Variants in UNC80 observed in about 807,000 individuals in gnomAD.
UNC80 encodes the protein unc-80 subunit of NALCN channel complex.
A neutral mutation model predicts 384.6 loss-of-function variants in UNC80; 164 were observed. The ratio of observed to expected loss-of-function variants is 0.43; its 90% CI spans 0.38 to 0.49. The LOEUF (loss-of-function observed/expected upper bound fraction) is 0.49. Among genes scored for constraint, UNC80 ranks in the 20% least tolerant of loss-of-function variants. The pLI is 0.00. For synonymous variants in UNC80, 1,486 were observed against 1,527.8 expected (o/e 0.97, Z 0.64); for missense variants, 3,330 against 4,143.0 (o/e 0.80, Z 5.39).
intron 50 of UNC80, 29 bp from the exon 51 acceptor site, chr2:209,959,460 C>A: frequency 6.5e-7 from 1 of 1,541,690 alleles, no homozygotes; most frequent in African/African-American, 1.4e-5. Flanking sequence ...CATTTTCAGA[C>A]CCCTAGTTAA....
At chr2:209,809,137 G>T in intron 7 of UNC80, 1 of 585,956 alleles carries the variant, frequency 1.7e-6, no homozygotes, top group African/African-American at 1.9e-5. Flanking sequence ...CTCCACTTCA[G>T]CTTCTTCCTT....
chr2:209,902,892 T>C (rs980614423), intron 28 of UNC80, among the ~76,000 whole-genome samples: 1 of 145,770 alleles, frequency 6.9e-6, no homozygotes, highest in Non-Finnish European at 1.5e-5. Context: ...CTCCAAGGTA[T>C]GCCTGTATAC....
At chr2:209,888,064 A>G (rs2085990983) in intron 25 of UNC80, 31 bp from the exon 26 acceptor site, 4 of 1,550,884 alleles carry the variant, frequency 2.6e-6, no homozygotes, top group Non-Finnish European at 3.5e-6. Context: ...GGGAGATGCC[A>G]GCACTCATGT....
chr2:209,888,711 G>T (rs1362301483), intron 26 of UNC80, among the ~76,000 whole-genome samples: 3 of 151,922 alleles, frequency 2.0e-5, no homozygotes, highest in Non-Finnish European at 4.4e-5. Context: ...CGCCTCCCAG[G>T]TTCCAGTGAT....
intron 56 of UNC80, among the ~76,000 whole-genome samples, chr2:209,974,058 A>G (rs905797606): frequency 3.3e-5 from 5 of 152,138 alleles, no homozygotes; most frequent in South Asian, 2.1e-4. Context: ...CACTCTTGCC[A>G]TAGCGCTGAG....
rs1490668427 is a variant in UNC80 at position 209,926,884 on chromosome 2, C to A, written c.5704C>A (p.Pro1902Thr). Reference sequence around the variant, plus strand: ...TGAACACACGCCGAACCACCATGTGCCTCAGCCCCCACAAGCAGTGTTCCC... The same window carrying A: ...TGAACACACGCCGAACCACCATGTGACTCAGCCCCCACAAGCAGTGTTCCC... ...TTEHTPNHHV[P>T]QPPQAVFPAC... is the part of the protein sequence containing the mutation. Residue 1902 changes from proline (P) to threonine (T), a missense_variant, in exon 36 of 65, where the codon CCT becomes ACT. Physicochemically the swap from Pro to Thr is conservative, Grantham distance 38. Coordinates refer to ENST00000673920, the MANE Select transcript of UNC80 (RefSeq NM_001371986.1). The A allele has an allele frequency of 6.4e-7, 1 of 1,552,260 alleles. No homozygotes were observed. Among genetic ancestry groups the A allele is most frequent in the South Asian group, 1.2e-5 (1 of 84,060 alleles).
chr2:209,888,589 G>T (rs113937858), intron 26 of UNC80, among the ~76,000 whole-genome samples: 2,472 of 151,322 alleles, frequency 0.016, 74 homozygotes, highest in African/African-American at 0.053. Flanking sequence ...TCTTTTATTG[G>T]TTTTTTTTGT....
chr2:209,864,634 C>A (rs960899461), intron 22 of UNC80, among the ~76,000 whole-genome samples: 4 of 152,218 alleles, frequency 2.6e-5, no homozygotes, highest in African/African-American at 9.6e-5. Context: ...AAGAGGCACT[C>A]TGGCCGCAGA....
chr2:209,863,859 G>A (rs2083513941), intron 22 of UNC80, among the ~76,000 whole-genome samples: 1 of 151,672 alleles, frequency 6.6e-6, no homozygotes, highest in African/African-American at 2.4e-5. Flanking sequence ...TGTGATCTCG[G>A]TCCAGTTCTG....
intron 20 of UNC80, among the ~76,000 whole-genome samples, chr2:209,842,030 C>G (rs2081796150): frequency 6.6e-6 from 1 of 152,172 alleles, no homozygotes; most frequent in Non-Finnish European, 1.5e-5. Flanking sequence ...TAAAGAATGA[C>G]TATGTCTCGC....
chr2:209,905,381 G>T (rs529906213), intron 29 of UNC80, among the ~76,000 whole-genome samples: 1 of 152,094 alleles, frequency 6.6e-6, no homozygotes, highest in Non-Finnish European at 1.5e-5. Context: ...TCATCATAAG[G>T]GTCCTTATAA....
At chr2:209,939,705 G>GT (rs942429552) in intron 43 of UNC80, 53 bp downstream of exon 43, 888 of 1,403,260 alleles carry the variant, frequency 6.3e-4, no homozygotes, top group Middle Eastern at 1.4e-3. Flanking sequence ...CACACTTGTT[G>GT]TTTTTTTTTA....
chr2:209,822,558 C>A (rs10170320), intron 13 of UNC80, among the ~76,000 whole-genome samples: 15,586 of 147,994 alleles, frequency 0.11, 1,323 homozygotes, highest in African/African-American at 0.23. Flanking sequence ...AATTAGAAAC[C>A]AAAAAAAAGA....
At chr2:209,947,214 C>G (rs761634963) in intron 47 of UNC80, among the ~76,000 whole-genome samples, 5 of 152,166 alleles carry the variant, frequency 3.3e-5, no homozygotes, top group Non-Finnish European at 7.3e-5. Flanking sequence ...CCATTCTATA[C>G]GTGATTGTAA....
At chr2:209,969,722 T>C (rs2092829277) in intron 52 of UNC80, 46 bp from the exon 53 acceptor site, 3 of 1,549,358 alleles carry the variant, frequency 1.9e-6, no homozygotes, top group Non-Finnish European at 2.6e-6. Context: ...TTTCAGACTC[T>C]CCAGAAGGGA....
At chr2:209,881,900 C>CATAAACAATCTAT (rs2085324498) in intron 25 of UNC80, among the ~76,000 whole-genome samples, 1 of 151,248 alleles carries the variant, frequency 6.6e-6, no homozygotes. Context: ...GCAATCGTTA[C>CATAAACAATCTAT]ATAAACAATC....
At position 209,866,248 on chromosome 2, in the gene UNC80, C is replaced by A. The variant is rs1196542102; in HGVS notation, c.3628-6510C>A. Among the ~76,000 whole-genome samples, 4 of 151,348 alleles carry A rather than the reference C, an allele frequency of 2.6e-5. No homozygotes were observed. The East Asian group carries it at 7.8e-4, about 29-fold the overall frequency. On this transcript the variant is annotated intron_variant, in intron 22 of 64. Coordinates refer to ENST00000673920, the MANE Select transcript of UNC80 (RefSeq NM_001371986.1). ...CATTTTATTTTCTGTTTTTGATAACCTCTCTTTCATATTTTTCATCTCTTT... is the reference window on the plus strand; with the variant it reads ...CATTTTATTTTCTGTTTTTGATAACATCTCTTTCATATTTTTCATCTCTTT...
At chr2:209,913,978 A>G (rs1487184943) in intron 31 of UNC80, 38 bp downstream of exon 31, 1 of 1,504,748 alleles carries the variant, frequency 6.6e-7, no homozygotes. Context: ...GCCTGCTGCC[A>G]CTGCTGTTAC....
At chr2:209,790,926 T>C (rs574796999) in intron 6 of UNC80, among the ~76,000 whole-genome samples, 48 of 152,256 alleles carry the variant, frequency 3.2e-4, no homozygotes, top group African/African-American at 1.1e-3. Context: ...ATTAACAGGG[T>C]ATTTTTTTCT....
Sources: allele counts gnomAD v4.1 joint callset (sites outside exome capture counted in the v4.1 genomes callset), GRCh38; gene constraint gnomAD v4.1.1; transcripts MANE v1.5; gene names NCBI Gene and HGNC (gene_info 2026-07-23, HGNC 2026-07-21).